FCHSD2: variants seen among roughly 807,000 people sequenced by gnomAD.
FCHSD2 encodes the protein FCH and double SH3 domains 2.
Under a neutral mutation model 108.1 loss-of-function variants are expected in FCHSD2, and 38 were observed. The observed-to-expected ratio is 0.35, with a 90% confidence interval of 0.27 to 0.46. The LOEUF (loss-of-function observed/expected upper bound fraction) is 0.46. Among genes scored for constraint, FCHSD2 ranks in the 20% least tolerant of loss-of-function variants. FCHSD2 has a pLI of 1.00. For synonymous variants in FCHSD2, 279 were observed against 314.7 expected (o/e 0.89, Z 1.20); for missense variants, 751 against 897.8 (o/e 0.84, Z 2.09).
At chr11:73,019,373 C>A (rs1021380865) in intron 3 of FCHSD2, among the ~76,000 whole-genome samples, 1 of 152,092 alleles carries the variant, frequency 6.6e-6, no homozygotes, top group Admixed American at 6.5e-5. Flanking sequence ...TCATACAGTT[C>A]GTAACTAGTT....
chr11:72,895,599 CTGGA>C (rs1338650795), intron 10 of FCHSD2, among the ~76,000 whole-genome samples: 3 of 152,110 alleles, frequency 2.0e-5, no homozygotes, highest in African/African-American at 7.2e-5. Flanking sequence ...TCTAGTTACT[CTGGA>C]TGGTTAGACA....
chr11:73,102,005 A>G (rs1024982769), intron 2 of FCHSD2, among the ~76,000 whole-genome samples: 25 of 152,204 alleles, frequency 1.6e-4, no homozygotes, highest in African/African-American at 5.8e-4. Context: ...CCCAGATAAA[A>G]TCCAATGCTA....
intron 3 of FCHSD2, among the ~76,000 whole-genome samples, chr11:73,064,189 G>A (rs945521696): frequency 1.6e-4 from 24 of 152,028 alleles, no homozygotes; most frequent in South Asian, 4.2e-4. Context: ...AATGACTACC[G>A]GGTATATAAT....
At chr11:72,911,294 CT>C (rs1855759866) in intron 9 of FCHSD2, among the ~76,000 whole-genome samples, 1 of 152,216 alleles carries the variant, frequency 6.6e-6, no homozygotes, top group Admixed American at 6.5e-5. Context: ...AATGAGTTCA[CT>C]GCAGATAGGT....
intron 3 of FCHSD2, among the ~76,000 whole-genome samples, chr11:73,064,834 A>G (rs773789985): frequency 1.2e-4 from 18 of 152,228 alleles, no homozygotes; most frequent in Non-Finnish European, 1.8e-4. Flanking sequence ...GAATAAACCA[A>G]TAACAAGTTC....
At chr11:72,971,018 T>C (rs1445289842) in intron 8 of FCHSD2, among the ~76,000 whole-genome samples, 2 of 152,156 alleles carry the variant, frequency 1.3e-5, no homozygotes, top group Non-Finnish European at 2.9e-5. Context: ...ACATTTGAGT[T>C]TCTCTAGCTG....
intron 3 of FCHSD2, among the ~76,000 whole-genome samples, chr11:73,077,108 A>G (rs1160208097): frequency 3.3e-5 from 5 of 150,800 alleles, no homozygotes; most frequent in African/African-American, 7.3e-5. Context: ...AAAAAAAAAA[A>G]AAAAAGAAAA....
chr11:73,090,042 T>C (rs1193921884), intron 2 of FCHSD2, among the ~76,000 whole-genome samples: 1 of 152,098 alleles, frequency 6.6e-6, no homozygotes, highest in East Asian at 1.9e-4. Flanking sequence ...TAAATATATC[T>C]ACAAATTTAG....
chr11:72,933,638 T>C lies in FCHSD2; in HGVS notation c.706-11688A>G, dbSNP rs374092549. 2.4e-4 allele frequency among the ~76,000 whole-genome samples: 36 copies of C among 152,354 alleles called. No homozygotes were observed. The South Asian group carries it at 6.2e-3, about 26-fold the overall frequency. ...TGGTTGCATTGTAAGGAAAAAAAGT[T>C]GATTCACATGGACAATAAATTGCAA... On this transcript the variant is annotated intron_variant, in intron 8 of 19. Coordinates refer to ENST00000409418, the MANE Select transcript of FCHSD2 (RefSeq NM_014824.3).
chr11:73,023,040 C>T (rs575908483), intron 3 of FCHSD2, among the ~76,000 whole-genome samples: 48 of 152,024 alleles, frequency 3.2e-4, no homozygotes, highest in Non-Finnish European at 3.2e-4. Flanking sequence ...ACGAGTTACA[C>T]AAAAATTGGC....
chr11:73,141,735 C>A (rs1209747408), intron 1 of FCHSD2, 122 bp downstream of exon 1: 8 of 1,090,010 alleles, frequency 7.3e-6, no homozygotes, highest in Non-Finnish European at 1.0e-5. Flanking sequence ...AAGTCGGTGA[C>A]AAGCCCAAGA....
chr11:72,967,563 G>C (rs1856934030), intron 8 of FCHSD2, among the ~76,000 whole-genome samples: 1 of 152,124 alleles, frequency 6.6e-6, no homozygotes, highest in African/African-American at 2.4e-5. Context: ...CCATTAAGAG[G>C]AAAATTCAGA....
At chr11:73,029,773 T>C (rs150181977) in intron 3 of FCHSD2, among the ~76,000 whole-genome samples, 674 of 152,224 alleles carry the variant, frequency 4.4e-3, no homozygotes, top group Middle Eastern at 6.8e-3. Flanking sequence ...AATTAGGACA[T>C]TGAAGGGCAA....
At chr11:73,132,216 G>A (rs1431276191) in intron 2 of FCHSD2, among the ~76,000 whole-genome samples, 2 of 152,156 alleles carry the variant, frequency 1.3e-5, no homozygotes, top group South Asian at 2.1e-4. Flanking sequence ...CATGAAACAC[G>A]ATAACTTCCT....
intron 3 of FCHSD2, among the ~76,000 whole-genome samples, chr11:73,027,939 A>C (rs1240403680): frequency 6.6e-6 from 1 of 152,278 alleles, no homozygotes; most frequent in Non-Finnish European, 1.5e-5. Flanking sequence ...GCAGAAGATA[A>C]GAACTGATGT....
intron 12 of FCHSD2, among the ~76,000 whole-genome samples, chr11:72,870,755 C>T (rs2135210948): frequency 6.6e-6 from 1 of 152,034 alleles, no homozygotes; most frequent in South Asian, 2.1e-4. Flanking sequence ...AAAAAATTAG[C>T]TGGGCGTGGT....
At chr11:73,087,064 A>C (rs1290936953) in intron 2 of FCHSD2, among the ~76,000 whole-genome samples, 1 of 152,206 alleles carries the variant, frequency 6.6e-6, no homozygotes. Flanking sequence ...ATTGTATCAT[A>C]GGAGATGACA....
chr11:72,845,898 C>T (rs1861121274), intron 14 of FCHSD2, among the ~76,000 whole-genome samples: 1 of 152,076 alleles, frequency 6.6e-6, no homozygotes, highest in Non-Finnish European at 1.5e-5. Flanking sequence ...TCAATGAGGG[C>T]AAAGATTTTT....
At chr11:72,965,628 A>G (rs1312680045) in intron 8 of FCHSD2, among the ~76,000 whole-genome samples, 2 of 152,208 alleles carry the variant, frequency 1.3e-5, no homozygotes, top group Admixed American at 6.5e-5. Context: ...TAAGTCTTCA[A>G]TGTGATTATA....
Sources: gnomAD v4.1 joint callset for allele counts (sites outside exome capture counted in the v4.1 genomes callset) on GRCh38, gnomAD v4.1.1 for gene constraint, MANE v1.5 for transcripts, NCBI Gene and HGNC (gene_info 2026-07-23, HGNC 2026-07-21) for gene names.